The following GAB2 variants were observed in gnomAD, a reference collection of about 807,000 sequenced individuals.
The protein encoded by GAB2 is GRB2-associated-binding protein 2.
GAB2 carries 26 observed loss-of-function variants against 65.5 expected under a neutral mutation model. That is an observed-to-expected ratio of 0.40 (90% CI 0.29 to 0.55). The LOEUF (loss-of-function observed/expected upper bound fraction) is 0.55. GAB2 is among the 20% of genes least tolerant of loss of function. The probability of loss-of-function intolerance (pLI) is 0.53; values close to 1 mark genes in which losing one functional copy is unlikely to be tolerated. For synonymous variants in GAB2, 321 were observed against 329.6 expected (o/e 0.97, Z 0.28); for missense variants, 884 against 875.8 (o/e 1.01, Z -0.12).
chr11:78,245,684 A>G (rs997556509), intron 3 of GAB2, among the ~76,000 whole-genome samples: 22 of 152,244 alleles, frequency 1.4e-4, no homozygotes, highest in Admixed American at 5.2e-4. Flanking sequence ...AAAGAAGTTA[A>G]AACGGAAAAA....
intron 3 of GAB2, among the ~76,000 whole-genome samples, chr11:78,239,729 TGCC>T (rs1865075973): frequency 6.6e-6 from 1 of 152,166 alleles, no homozygotes; most frequent in Non-Finnish European, 1.5e-5. Flanking sequence ...TCATGGCAAC[TGCC>T]ATCAACACCT....
At chr11:78,239,996 A>G (rs968399582) in intron 3 of GAB2, among the ~76,000 whole-genome samples, 1 of 151,932 alleles carries the variant, frequency 6.6e-6, no homozygotes, top group Non-Finnish European at 1.5e-5. Context: ...CTGAGCTGTG[A>G]GCAGCTGTTA....
At chr11:78,367,416 G>C (rs999510989) in intron 1 of GAB2, among the ~76,000 whole-genome samples, 2 of 152,228 alleles carry the variant, frequency 1.3e-5, no homozygotes, top group Non-Finnish European at 2.9e-5. Context: ...ATATGCTTTG[G>C]CTTAAATGGA....
chr11:78,247,312 G>A (rs1476091418), intron 3 of GAB2, among the ~76,000 whole-genome samples: 1 of 152,110 alleles, frequency 6.6e-6, no homozygotes, highest in East Asian at 1.9e-4. Flanking sequence ...AAAGCCTGTG[G>A]TGGCTTCCAC....
intron 1 of GAB2, among the ~76,000 whole-genome samples, chr11:78,356,487 C>A (rs1263759635): frequency 6.6e-6 from 1 of 152,160 alleles, no homozygotes; most frequent in Non-Finnish European, 1.5e-5. Flanking sequence ...TGTTTCATAT[C>A]TCAGAATCTT....
At chr11:78,300,680 T>G (rs1866979665) in intron 1 of GAB2, among the ~76,000 whole-genome samples, 1 of 142,736 alleles carries the variant, frequency 7.0e-6, no homozygotes, top group Non-Finnish European at 1.5e-5. Context: ...TGGTTTTTTT[T>G]TTTGGTTTTT....
rs562786007 is a variant in GAB2, at chr11:78,226,584, G to C, written c.1088C>G (p.Thr363Arg). The change falls in exon 4 of 10, where the codon ACA becomes AGA. Residue 363 changes from threonine to arginine, a missense_variant. Coordinates refer to ENST00000361507, the MANE Select transcript of GAB2 (RefSeq NM_080491.3). ...PRPPKPSQAE[T>R]PRWGSPQQRP... ...CTGCTGAGGACTGCCCCATCGAGGT[G>C]TTTCTGCCTGACTTGGCTTGGGGGG... 1.1e-6 allele frequency: 1 copy of C among 938,554 alleles called. No individual in the cohort carries two copies. Among genetic ancestry groups the C allele is most frequent in the African/African-American group, 2.1e-5 (1 of 47,842 alleles). 58.1% of individuals were successfully genotyped at this position (938,554 alleles called of 1,614,324 possible).
chr11:78,352,203 G>C (rs1856289132), intron 1 of GAB2, among the ~76,000 whole-genome samples: 1 of 152,158 alleles, frequency 6.6e-6, no homozygotes, highest in Non-Finnish European at 1.5e-5. Flanking sequence ...ACAGGACTGA[G>C]ACTCCGTCTC....
intron 2 of GAB2, among the ~76,000 whole-genome samples, chr11:78,252,628 G>A (rs988883454): frequency 3.3e-5 from 5 of 152,006 alleles, no homozygotes; most frequent in South Asian, 2.1e-4. Context: ...TCTCTCTCCC[G>A]CTGAAGACTC....
intron 1 of GAB2, among the ~76,000 whole-genome samples, chr11:78,289,652 T>C (rs1327780198): frequency 6.6e-6 from 1 of 151,914 alleles, no homozygotes; most frequent in Admixed American, 6.6e-5. Context: ...AAAAAAGACA[T>C]AATACGCTAG....
chr11:78,403,992 C>T (rs113292852), intron 1 of GAB2, among the ~76,000 whole-genome samples: 4,545 of 152,186 alleles, frequency 0.03, 214 homozygotes, highest in African/African-American at 0.1. Flanking sequence ...GGGAAGCCCT[C>T]ACACATTGTT....
At chr11:78,405,285 A>AG (rs1468123660) in intron 1 of GAB2, among the ~76,000 whole-genome samples, 1 of 152,012 alleles carries the variant, frequency 6.6e-6, no homozygotes, top group Non-Finnish European at 1.5e-5. Context: ...TTTTTAGTAG[A>AG]GATGGGGTTT....
intron 2 of GAB2, among the ~76,000 whole-genome samples, chr11:78,267,894 A>G (rs1865911207): frequency 1.3e-5 from 2 of 151,586 alleles, no homozygotes; most frequent in Non-Finnish European, 1.5e-5. Flanking sequence ...GTCTCTGAAT[A>G]AAGGGAAGTC....
At chr11:78,306,398 T>A (rs1451733744) in intron 1 of GAB2, among the ~76,000 whole-genome samples, 1 of 152,132 alleles carries the variant, frequency 6.6e-6, no homozygotes, top group Admixed American at 6.6e-5. Context: ...GCCCGGCTAA[T>A]TTTTTATATT....
At chr11:78,286,991 T>C (rs955523190) in intron 1 of GAB2, among the ~76,000 whole-genome samples, 2 of 152,224 alleles carry the variant, frequency 1.3e-5, no homozygotes, top group African/African-American at 4.8e-5. Context: ...AAATGGATTA[T>C]GGACTTACAC....
intron 7 of GAB2, 82 bp downstream of exon 7, chr11:78,222,023 C>A (rs502829): frequency 2.2e-6 from 2 of 914,832 alleles, no homozygotes; most frequent in East Asian, 2.4e-5. Flanking sequence ...CCAGCTGTCC[C>A]GGCCCACAGG....
intron 2 of GAB2, among the ~76,000 whole-genome samples, chr11:78,276,029 G>C (rs1204590841): frequency 2.0e-5 from 3 of 150,396 alleles, no homozygotes; most frequent in African/African-American, 7.4e-5. Context: ...CAGGAGAATT[G>C]CTTGAACCTG....
chr11:78,390,527 T>G (rs1343811137), intron 1 of GAB2, among the ~76,000 whole-genome samples: 8 of 152,170 alleles, frequency 5.3e-5, no homozygotes, highest in Admixed American at 4.6e-4. Flanking sequence ...AGGCGGAGGT[T>G]GCAGCAAGTC....
chr11:78,368,313 A>C (rs1286058030), intron 1 of GAB2, among the ~76,000 whole-genome samples: 1 of 152,228 alleles, frequency 6.6e-6, no homozygotes, highest in Non-Finnish European at 1.5e-5. Flanking sequence ...ACTGTTCATG[A>C]ATATGATTAA....
Sources: gnomAD v4.1 joint callset for allele counts (sites outside exome capture counted in the v4.1 genomes callset) on GRCh38, gnomAD v4.1.1 for gene constraint, MANE v1.5 for transcripts, NCBI Gene and HGNC (gene_info 2026-07-23, HGNC 2026-07-21) for gene names.